NME7: variants seen among roughly 807,000 people sequenced by gnomAD.
NME7 encodes the protein NME/NM23 family member 7.
A neutral mutation model predicts 49.1 loss-of-function variants in NME7; 41 were observed. That is an observed-to-expected ratio of 0.83 (90% confidence interval 0.65 to 1.08). The LOEUF is 1.08. Ranked by LOEUF, NME7 falls within the 50% of genes least tolerant of loss-of-function variation. The pLI, the probability that NME7 is intolerant of heterozygous loss-of-function variation, is 0.00. For synonymous variants in NME7, 139 were observed against 150.6 expected (o/e 0.92, Z 0.56); for missense variants, 423 against 463.4 (o/e 0.91, Z 0.80).
intron 10 of NME7, among the ~76,000 whole-genome samples, chr1:169,200,099 C>T (rs561357093): frequency 4.0e-5 from 6 of 150,102 alleles, no homozygotes; most frequent in South Asian, 2.1e-4. Context: ...ATGAGTATGA[C>T]GGTCCCATTC....
Position 169,326,430 on chromosome 1 carries a change from T to C in NME7, c.4-1930A>G, listed in dbSNP as rs78282340. ...AAGATCCAGAAAGACAGGAAGCCCATTGAAGTGAAACCAACATTCATTGCG... is the reference window on the plus strand; with the variant it reads ...AAGATCCAGAAAGACAGGAAGCCCACTGAAGTGAAACCAACATTCATTGCG... On this transcript the variant is annotated intron_variant, in intron 1 of 11. Coordinates refer to ENST00000367811, the MANE Select transcript of NME7 (RefSeq NM_013330.5). Among the ~76,000 whole-genome samples, 23 of 152,228 alleles carry C rather than the reference T, an allele frequency of 1.5e-4. No homozygotes were observed. In the East Asian group the frequency reaches 1.7e-3, roughly 11 times the overall value.
At chr1:169,280,545 G>A (rs564423875) in intron 7 of NME7, among the ~76,000 whole-genome samples, 3 of 147,862 alleles carry the variant, frequency 2.0e-5, no homozygotes, top group Admixed American at 6.7e-5. Context: ...CCTATGTCCT[G>A]AATGGTATTG....
At chr1:169,328,393 G>A (rs969693290) in intron 1 of NME7, among the ~76,000 whole-genome samples, 11 of 152,272 alleles carry the variant, frequency 7.2e-5, no homozygotes, top group African/African-American at 2.2e-4. Flanking sequence ...AGCGATGATG[G>A]TGGCTTATAG....
intron 1 of NME7, among the ~76,000 whole-genome samples, chr1:169,336,475 A>G (rs1458482252): frequency 2.6e-5 from 4 of 152,172 alleles, no homozygotes; most frequent in Non-Finnish European, 5.9e-5. Context: ...TGAGCTAGAT[A>G]CAAAGGTTCT....
intron 1 of NME7, among the ~76,000 whole-genome samples, chr1:169,328,352 A>T (rs1571393064): frequency 6.6e-6 from 1 of 152,164 alleles, no homozygotes; most frequent in African/African-American, 2.4e-5. Flanking sequence ...TACATGAAGC[A>T]CTTAGGATTT....
chr1:169,239,699 G>T (rs1648001458), intron 7 of NME7, among the ~76,000 whole-genome samples: 1 of 152,008 alleles, frequency 6.6e-6, no homozygotes, highest in African/African-American at 2.4e-5. Flanking sequence ...GTACAGAGAG[G>T]TTAGAACTGA....
chr1:169,153,509 A>G (rs967540471), intron 11 of NME7, among the ~76,000 whole-genome samples: 17 of 152,256 alleles, frequency 1.1e-4, no homozygotes, highest in Non-Finnish European at 1.9e-4. Context: ...CATTAAATTC[A>G]TGAAATTTAT....
intron 7 of NME7, among the ~76,000 whole-genome samples, chr1:169,280,287 A>G (rs1392629442): frequency 6.6e-6 from 1 of 152,012 alleles, no homozygotes; most frequent in Non-Finnish European, 1.5e-5. Flanking sequence ...TCCTTTGCCC[A>G]TTTTTTGATG....
intron 10 of NME7, among the ~76,000 whole-genome samples, chr1:169,201,929 C>T (rs1360115749): frequency 1.3e-5 from 2 of 151,992 alleles, no homozygotes; most frequent in African/African-American, 4.8e-5. Context: ...AACAGAATTC[C>T]AAGAAACACC....
chr1:169,323,928 A>C (rs1308147983), intron 2 of NME7, among the ~76,000 whole-genome samples: 1 of 137,384 alleles, frequency 7.3e-6, no homozygotes, highest in Middle Eastern at 4.3e-3. Flanking sequence ...ATCTCAGCTC[A>C]CTGCCACCTC....
intron 10 of NME7, among the ~76,000 whole-genome samples, chr1:169,215,037 A>C (rs1028320743): frequency 3.3e-4 from 51 of 152,254 alleles, no homozygotes; most frequent in Admixed American, 1.7e-3. Context: ...GTGCCCAAGA[A>C]GAATGAAGTC....
intron 11 of NME7, 25 bp from the exon 12 acceptor site, chr1:169,132,842 C>CTT (rs1658277168): frequency 3.1e-6 from 5 of 1,611,232 alleles, no homozygotes; most frequent in Non-Finnish European, 4.2e-6. Context: ...CACATAATTT[C>CTT]TTAGTTCAGA....
chr1:169,167,216 T>C (rs552554610), intron 11 of NME7, among the ~76,000 whole-genome samples: 178 of 140,044 alleles, frequency 1.3e-3, no homozygotes, highest in Non-Finnish European at 2.2e-3. Flanking sequence ...ATTAATAATA[T>C]TGTGATAGCT....
chr1:169,171,398 C>T (rs188092724), intron 10 of NME7, among the ~76,000 whole-genome samples: 1 of 151,882 alleles, frequency 6.6e-6, no homozygotes, highest in East Asian at 2.0e-4. Flanking sequence ...ATTTAACTTG[C>T]ACTACATTCA....
chr1:169,215,455 T>C (rs1298038501), intron 10 of NME7, among the ~76,000 whole-genome samples: 1 of 152,210 alleles, frequency 6.6e-6, no homozygotes, highest in Non-Finnish European at 1.5e-5. Flanking sequence ...GTTTTTTGGC[T>C]TGAAGGTGAG....
intron 1 of NME7, among the ~76,000 whole-genome samples, chr1:169,362,708 T>C (rs1248131040): frequency 6.6e-6 from 1 of 152,336 alleles, no homozygotes; most frequent in African/African-American, 2.4e-5. Flanking sequence ...GTGGCTAGAC[T>C]GAACACAGAG....
At chr1:169,147,440 C>G (rs1658789625) in intron 11 of NME7, among the ~76,000 whole-genome samples, 1 of 152,166 alleles carries the variant, frequency 6.6e-6, no homozygotes, top group Non-Finnish European at 1.5e-5. Flanking sequence ...AGTCTGTGCT[C>G]TGTTATGTTC....
chr1:169,244,056 CAT>C (rs889130597), intron 7 of NME7, among the ~76,000 whole-genome samples: 10 of 151,630 alleles, frequency 6.6e-5, no homozygotes, highest in Non-Finnish European at 1.3e-4. Flanking sequence ...CAAAAATATA[CAT>C]ATGTGTATAT....
chr1:169,198,199 C>T (rs1215125000), intron 10 of NME7, among the ~76,000 whole-genome samples: 3 of 151,938 alleles, frequency 2.0e-5, no homozygotes, highest in African/African-American at 7.2e-5. Context: ...AAAAGTCATA[C>T]TAACATATAC....
Sources: allele counts gnomAD v4.1 joint callset (sites outside exome capture counted in the v4.1 genomes callset), GRCh38; gene constraint gnomAD v4.1.1; transcripts MANE v1.5; gene names NCBI Gene and HGNC (gene_info 2026-07-23, HGNC 2026-07-21).